FRMD6: variants seen among roughly 807,000 people sequenced by gnomAD.
FRMD6 encodes FERM domain-containing protein 6.
Under a neutral mutation model 73.2 loss-of-function variants are expected in FRMD6, and 37 were observed. The ratio of observed to expected loss-of-function variants is 0.51; its 90% CI spans 0.39 to 0.66. The LOEUF is 0.66. Ranked by LOEUF, FRMD6 falls within the 30% of genes least tolerant of loss-of-function variation. The pLI, the probability that FRMD6 is intolerant of heterozygous loss-of-function variation, is 0.00. For synonymous variants in FRMD6, 273 were observed against 282.2 expected (o/e 0.97, Z 0.33); for missense variants, 714 against 780.5 (o/e 0.91, Z 1.02).
the FRMD6 span, among the ~76,000 whole-genome samples, chr14:51,462,339 A>G: frequency 6.6e-6 from 1 of 152,150 alleles, no homozygotes; most frequent in Non-Finnish European, 1.5e-5. Flanking sequence ...AAATGAGTGG[A>G]TGTATGGGAG....
intron 2 of FRMD6, among the ~76,000 whole-genome samples, chr14:51,611,195 G>A (rs1876091775): frequency 6.6e-6 from 1 of 152,126 alleles, no homozygotes; most frequent in East Asian, 1.9e-4. Context: ...GAGCAGAAAG[G>A]AAAACACGAA....
intron 1 of FRMD6, among the ~76,000 whole-genome samples, chr14:51,658,264 C>T (rs1422884987): frequency 6.6e-6 from 1 of 152,206 alleles, no homozygotes; most frequent in Admixed American, 6.5e-5. Flanking sequence ...AATTTTTCTT[C>T]TTTCAGCCTG....
chr14:51,422,248 C>T, the FRMD6 span, among the ~76,000 whole-genome samples: 2 of 152,066 alleles, frequency 1.3e-5, no homozygotes, highest in Non-Finnish European at 2.9e-5. Context: ...AAAGACTTTC[C>T]CCCTTACTTA....
At chr14:51,676,707 A>G (rs555620469) in intron 1 of FRMD6, among the ~76,000 whole-genome samples, 4 of 152,180 alleles carry the variant, frequency 2.6e-5, no homozygotes, top group Non-Finnish European at 5.9e-5. Context: ...TACATTTTAA[A>G]CAATAATAGT....
chr14:51,404,487 A>G, the FRMD6 span, among the ~76,000 whole-genome samples: 1 of 152,242 alleles, frequency 6.6e-6, no homozygotes, highest in East Asian at 1.9e-4. Context: ...AGTCATAAAG[A>G]TATTCTTCTA....
At chr14:51,449,234 A>T in the FRMD6 span, among the ~76,000 whole-genome samples, 2 of 152,160 alleles carry the variant, frequency 1.3e-5, no homozygotes, top group Non-Finnish European at 2.9e-5. Context: ...AGGGAAAGGG[A>T]TAGTGGGAAG....
intron 7 of FRMD6, among the ~76,000 whole-genome samples, chr14:51,709,304 T>A (rs893701558): frequency 6.6e-6 from 1 of 152,164 alleles, no homozygotes. Flanking sequence ...ACATACCTGC[T>A]TTTTAGGATT....
chr14:51,554,386 G>A (rs1011670008), intron 1 of FRMD6, among the ~76,000 whole-genome samples: 11 of 152,138 alleles, frequency 7.2e-5, no homozygotes, highest in African/African-American at 2.4e-4. Context: ...TTCCTTAATT[G>A]AGGCTGTGTA....
At chr14:51,658,133 G>A (rs1217961998) in intron 1 of FRMD6, among the ~76,000 whole-genome samples, 1 of 152,152 alleles carries the variant, frequency 6.6e-6, no homozygotes, top group Non-Finnish European at 1.5e-5. Context: ...TGAGTCCATT[G>A]GGGGGCTCAC....
At chr14:51,510,601 G>T (rs1884242872) in intron 1 of FRMD6, among the ~76,000 whole-genome samples, 1 of 152,092 alleles carries the variant, frequency 6.6e-6, no homozygotes, top group South Asian at 2.1e-4. Context: ...TTTATCACTG[G>T]TGTACCACAA....
At chr14:51,476,055 A>C in the FRMD6 span, among the ~76,000 whole-genome samples, 7 of 152,200 alleles carry the variant, frequency 4.6e-5, no homozygotes. Context: ...TAAATGGTTC[A>C]ACTAGGAACC....
chr14:51,725,285 G>C (rs918628743), intron 12 of FRMD6, among the ~76,000 whole-genome samples: 1 of 152,140 alleles, frequency 6.6e-6, no homozygotes, highest in Non-Finnish European at 1.5e-5. Flanking sequence ...TTAGTTATCT[G>C]GGCCAGGATC....
In FRMD6 at chr14:51,727,837, A is replaced by T; in HGVS notation, c.1677A>T (p.Ala559=). Residue 559 remains alanine, a synonymous_variant, in exon 14 of 14, where the codon GCA becomes GCT. Transcript: ENST00000344768. ...RLYQKDFLRI[A]GLCQDTAQSY... ...ACCAGAAAGACTTCCTGCGCATTGC[A>T]GGTCTGTGTCAGGACACTGCTCAGA... 1 of 1,614,162 alleles carries T rather than the reference A, an allele frequency of 6.2e-7. No individual in the cohort carries two copies. Among genetic ancestry groups the T allele is most frequent in the East Asian group, 2.2e-5 (1 of 44,876 alleles).
In FRMD6 at chr14:51,678,427, A is replaced by G. The variant is rs572331028; in HGVS notation, c.-146-11264A>G. ...TGTTGGAGGATCGTATTCTCACATT[A>G]TGTCCACTAAATTTGGAGACAAGAA... On this transcript the variant is annotated intron_variant, in intron 1 of 13. Transcript: ENST00000344768. 8.7e-4 allele frequency among the ~76,000 whole-genome samples: 132 copies of G among 152,266 alleles called. 2 individuals carry two copies. Among genetic ancestry groups the G allele is most frequent in the South Asian group, 8.5e-3 (41 of 4,822 alleles).
chr14:51,628,600 G>A (rs1891203260), intron 2 of FRMD6, among the ~76,000 whole-genome samples: 1 of 151,772 alleles, frequency 6.6e-6, no homozygotes, highest in South Asian at 2.1e-4. Flanking sequence ...ATCACTTGAG[G>A]CCAGGAGTTC....
intron 1 of FRMD6, among the ~76,000 whole-genome samples, chr14:51,689,461 C>T (rs1233448439): frequency 3.3e-5 from 5 of 152,106 alleles, no homozygotes; most frequent in African/African-American, 1.2e-4. Flanking sequence ...GTGTGAGGCT[C>T]TCATTGGTTA....
At chr14:51,540,608 C>A (rs1029291627) in intron 1 of FRMD6, among the ~76,000 whole-genome samples, 1 of 152,126 alleles carries the variant, frequency 6.6e-6, no homozygotes, top group African/African-American at 2.4e-5. Flanking sequence ...GTAGATTTTA[C>A]AGCCCTGTGA....
At chr14:51,449,699 T>C in the FRMD6 span, among the ~76,000 whole-genome samples, 1 of 152,220 alleles carries the variant, frequency 6.6e-6, no homozygotes, top group Non-Finnish European at 1.5e-5. Flanking sequence ...ATAGTAGCAG[T>C]ATCTGATAGA....
At chr14:51,633,247 C>T (rs1891405631) in intron 2 of FRMD6, among the ~76,000 whole-genome samples, 1 of 151,574 alleles carries the variant, frequency 6.6e-6, no homozygotes, top group Non-Finnish European at 1.5e-5. Context: ...GGAGATTAAG[C>T]CTAGGAGTTT....
Sources: gnomAD v4.1 joint callset for allele counts (sites outside exome capture counted in the v4.1 genomes callset) on GRCh38, gnomAD v4.1.1 for gene constraint, MANE v1.5 for transcripts, NCBI Gene and HGNC (gene_info 2026-07-23, HGNC 2026-07-21) for gene names.